EP400: variants seen among roughly 807,000 people sequenced by gnomAD.
EP400 encodes E1A-binding protein p400.
Under a neutral mutation model 354.1 loss-of-function variants are expected in EP400, and 105 were observed. That is an observed-to-expected ratio of 0.30 (90% confidence interval 0.25 to 0.35). EP400 has a LOEUF of 0.35. EP400 is among the 10% of genes least tolerant of loss of function. The probability of loss-of-function intolerance (pLI) is 1.00; values close to 1 mark genes in which losing one functional copy is unlikely to be tolerated. For synonymous variants in EP400, 1,646 were observed against 1,716.9 expected, an observed-to-expected ratio of 0.96 and a Z score of 1.02; for missense variants, 3,280 against 4,121.0, an observed-to-expected ratio of 0.80 and a Z score of 5.59.
At chr12:132,039,285 C>T (rs141319315) in intron 32 of EP400, among the ~76,000 whole-genome samples, 321 of 152,230 alleles carry the variant, frequency 2.1e-3, no homozygotes, top group African/African-American at 7.4e-3. Context: ...GGGTTTATTT[C>T]GCTGGTGATT....
intron 3 of EP400, among the ~76,000 whole-genome samples, chr12:131,981,150 C>T (rs987537659): frequency 1.3e-5 from 2 of 152,132 alleles, no homozygotes; most frequent in Non-Finnish European, 2.9e-5. Flanking sequence ...GCTCCACTGC[C>T]CGCTCTCCAT....
chr12:132,027,915 A>T lies in EP400; in HGVS notation c.5110-102A>T, dbSNP rs1430526210. On this transcript the variant is annotated intron_variant, in intron 26 of 52. Coordinates refer to ENST00000389561, the MANE Select transcript of EP400 (RefSeq NM_015409.5). The surrounding 1 kb of genome is among the most constrained non-coding windows in gnomAD (Gnocchi z 4.9). ...CACAAGACCGGGGATATTGAAGTGGATCTCATATGTGGGAAATCACGGGCT... is the reference window on the plus strand; with the variant it reads ...CACAAGACCGGGGATATTGAAGTGGTTCTCATATGTGGGAAATCACGGGCT... 2.4e-6 allele frequency: 3 copies of T among 1,230,820 alleles called. No homozygotes were observed. The highest frequency in any genetic ancestry group is 2.2e-4 in the Middle Eastern group (1 of 4,482). The allele number at this position is 1,230,820 out of a possible 1,614,324, so 76.2% of individuals were successfully genotyped here.
At chr12:131,992,076 G>A (rs1404531660) in intron 10 of EP400, 97 bp from the exon 11 acceptor site, 12 of 1,361,166 alleles carry the variant, frequency 8.8e-6, no homozygotes, top group South Asian at 5.8e-5. Flanking sequence ...GGCTTGCCCC[G>A]GGGCTCCCCC....
chr12:132,051,045 A>C, intron 41 of EP400: 1 of 299,746 alleles, frequency 3.3e-6, no homozygotes, highest in Non-Finnish European at 6.3e-6. Context: ...CCTGCCCTGA[A>C]GTTATACAGG....
At chr12:132,041,417 T>C (rs1219648611) in intron 32 of EP400, among the ~76,000 whole-genome samples, 2 of 152,386 alleles carry the variant, frequency 1.3e-5, no homozygotes, top group South Asian at 2.1e-4. Context: ...CCAGCGGTGC[T>C]GCCTCTTGCG....
chr12:132,047,311 C>G (rs1297530623), intron 39 of EP400, among the ~76,000 whole-genome samples: 1 of 152,166 alleles, frequency 6.6e-6, no homozygotes, highest in Non-Finnish European at 1.5e-5. Flanking sequence ...TAATAATAGC[C>G]ATTACCTTAT....
At position 131,986,537 on chromosome 12, in the gene EP400, T is replaced by A; in HGVS notation, c.1953T>A (p.Pro651=). The A allele has an allele frequency of 1.2e-6, 2 of 1,610,358 alleles. No homozygotes were observed. Among genetic ancestry groups the A allele is most frequent in the Non-Finnish European group, 1.7e-6 (2 of 1,177,846 alleles). ...LPQMVASTRL[P]VDPAPPCPRP... ...AGATGGTAGCATCGACAAGGCTCCC[T>A]GTGGACCCTGCCCCGCCCTGCCCAC... Residue 651 remains proline (P), a synonymous_variant, in exon 6 of 53, where the codon CCT becomes CCA. Coordinates refer to ENST00000389561, the MANE Select transcript of EP400 (RefSeq NM_015409.5).
intron 51 of EP400, among the ~76,000 whole-genome samples, chr12:132,071,644 C>A (rs1207819264): frequency 6.6e-6 from 1 of 152,130 alleles, no homozygotes; most frequent in Non-Finnish European, 1.5e-5. Context: ...TGCCATCCGT[C>A]CCCCAGGAAT....
chr12:131,976,122 T>C (rs935971668), intron 2 of EP400, among the ~76,000 whole-genome samples: 1 of 152,250 alleles, frequency 6.6e-6, no homozygotes, highest in Non-Finnish European at 1.5e-5. Flanking sequence ...GTTTCTGTTT[T>C]GTCAAGATTT....
intron 1 of EP400, among the ~76,000 whole-genome samples, chr12:131,953,874 A>G (rs1321904223): frequency 2.0e-5 from 3 of 152,162 alleles, no homozygotes; most frequent in Non-Finnish European, 4.4e-5. Context: ...GCACTTTGGG[A>G]GGCTGAGGCA....
At chr12:132,077,134 CA>C (rs1468737065) in intron 52 of EP400, among the ~76,000 whole-genome samples, 1 of 152,234 alleles carries the variant, frequency 6.6e-6, no homozygotes, top group Admixed American at 6.5e-5. Context: ...AGCTTTACTA[CA>C]ACAACAAAAT....
chr12:131,955,448 A>C (rs978892031), intron 1 of EP400, among the ~76,000 whole-genome samples: 2 of 151,500 alleles, frequency 1.3e-5, no homozygotes, highest in Admixed American at 1.3e-4. Flanking sequence ...ATGCCCGGCT[A>C]ATTTTGTATT....
chr12:131,963,571 C>T (rs1593311841), intron 2 of EP400: 6 of 1,598,438 alleles, frequency 3.8e-6, no homozygotes, highest in Non-Finnish European at 5.1e-6. Context: ...GACTGGGACT[C>T]CCGTTGCTAT....
chr12:132,044,226 C>T lies in EP400; in HGVS notation c.6500C>T (p.Thr2167Ile), dbSNP rs143435898. The T allele has an allele frequency of 6.2e-7, 1 of 1,614,216 alleles. No individual in the cohort carries two copies. Among genetic ancestry groups the T allele is most frequent in the East Asian group, 2.2e-5 (1 of 44,886 alleles). Reference protein sequence around the residue: ...VRAWEFWNLKTLQEREARLRL... With the variant: ...VRAWEFWNLKILQEREARLRL... Reference sequence around the variant, plus strand: ...GCATGGGAGTTCTGGAACCTGAAGACCCTGCAGGAGAGGGAGGCCCGGCTG... The same window carrying T: ...GCATGGGAGTTCTGGAACCTGAAGATCCTGCAGGAGAGGGAGGCCCGGCTG... The change falls in exon 35 of 53, where the codon ACC (threonine) becomes ATC (isoleucine). Residue 2167 changes from threonine (T) to isoleucine (I), a missense_variant. Coordinates refer to ENST00000389561, the MANE Select transcript of EP400 (RefSeq NM_015409.5).
intron 5 of EP400, among the ~76,000 whole-genome samples, chr12:131,984,356 C>A (rs1411407725): frequency 6.6e-6 from 1 of 152,140 alleles, no homozygotes; most frequent in African/African-American, 2.4e-5. Context: ...CTTTACCTGA[C>A]AACCTTATGA....
At chr12:132,071,190 G>C (rs1428754939) in intron 51 of EP400, among the ~76,000 whole-genome samples, 1 of 151,540 alleles carries the variant, frequency 6.6e-6, no homozygotes, top group African/African-American at 2.4e-5. Flanking sequence ...TCTTTGTTAC[G>C]GTGCTTTTTG....
At chr12:132,012,544 A>G (rs1330457226) in intron 16 of EP400, among the ~76,000 whole-genome samples, 2 of 152,244 alleles carry the variant, frequency 1.3e-5, no homozygotes, top group Non-Finnish European at 2.9e-5. Flanking sequence ...CATGGGCATT[A>G]GATTTCAACA....
At position 132,001,503 on chromosome 12, in the gene EP400, A is replaced by C. The variant is rs1217244826; in HGVS notation, c.2828-3574A>C. Among the ~76,000 whole-genome samples, 4 of 152,220 alleles carry C rather than the reference A, an allele frequency of 2.6e-5. No individual in the cohort carries two copies. The East Asian group carries it at 7.7e-4, about 29-fold the overall frequency. On this transcript the variant is annotated intron_variant, in intron 12 of 52. Coordinates refer to ENST00000389561, the MANE Select transcript of EP400 (RefSeq NM_015409.5). ...TGTGACCACTGAAGCACAGCATCAC[A>C]GGGAGACGGTTAGGCCTCCGGATAA...
At chr12:131,983,770 C>T (rs59108717) in intron 5 of EP400, among the ~76,000 whole-genome samples, 19,121 of 152,230 alleles carry the variant, frequency 0.13, 1,645 homozygotes, top group African/African-American at 0.24. Context: ...GCCTCTACTT[C>T]CTGGGCTTAG....
Sources: gnomAD v4.1 joint callset for allele counts (sites outside exome capture counted in the v4.1 genomes callset) on GRCh38, gnomAD v4.1.1 for gene constraint, Gnocchi (gnomAD v3.1) non-coding constraint, MANE v1.5 for transcripts, NCBI Gene and HGNC (gene_info 2026-07-23, HGNC 2026-07-21) for gene names.